The following ABCA12 variants were observed in gnomAD, a reference collection of about 807,000 sequenced individuals.
ABCA12 encodes the protein glucosylceramide transporter ABCA12.
Under a neutral mutation model 293.5 loss-of-function variants are expected in ABCA12, and 156 were observed. The observed-to-expected ratio is 0.53, with a 90% CI of 0.47 to 0.61. ABCA12 has a LOEUF of 0.61. Ranked by LOEUF, ABCA12 falls within the 20% of genes least tolerant of loss-of-function variation. The probability of loss-of-function intolerance (pLI) is 0.00; values close to 1 mark genes in which losing one functional copy is unlikely to be tolerated. For missense variants in ABCA12, 2,797 were observed against 3,090.2 expected, an observed-to-expected ratio of 0.91 and a Z score of 2.25; for synonymous variants, 1,063 against 1,108.0, an observed-to-expected ratio of 0.96 and a Z score of 0.81.
At position 215,134,640 on chromosome 2, in the gene ABCA12, GAC is replaced by G. The variant is rs1559214573; in HGVS notation, c.69+3498_69+3499del. ...ATAGAGAGAGAGAGAGAGAGAGAGA[GAC>G]AAACAGAGAGAGAGAGAGAGAGAGA... On this transcript the variant is annotated intron_variant, in intron 1 of 52. Coordinates refer to ENST00000272895, the MANE Select transcript of ABCA12 (RefSeq NM_173076.3). 1.5e-3 allele frequency among the ~76,000 whole-genome samples: 175 copies of G among 117,638 alleles called. 12 individuals are homozygous for G. The highest frequency in any genetic ancestry group is 7.1e-3 in the African/African-American group (166 of 23,316). The allele number at this position is 117,638 out of a possible 152,430, so 77.2% of individuals were successfully genotyped here.
chr2:215,109,630 A>G (rs1702530377), intron 2 of ABCA12, among the ~76,000 whole-genome samples: 1 of 152,226 alleles, frequency 6.6e-6, no homozygotes, highest in African/African-American at 2.4e-5. Flanking sequence ...GTTTTTTCAG[A>G]GCCCTTTAGA....
intron 2 of ABCA12, among the ~76,000 whole-genome samples, chr2:215,073,147 A>C (rs1297489753): frequency 2.6e-5 from 4 of 152,162 alleles, no homozygotes; most frequent in African/African-American, 4.8e-5. Flanking sequence ...TCTACGGCTC[A>C]TCTGGGGTGA....
intron 8 of ABCA12, among the ~76,000 whole-genome samples, 189 bp downstream of exon 8, chr2:215,036,764 T>C (rs1001908399): frequency 5.3e-5 from 8 of 152,052 alleles, no homozygotes; most frequent in Admixed American, 1.3e-4. Flanking sequence ...AAAGCCACAG[T>C]TCCCTCTTCT....
chr2:215,106,748 C>CGA (rs1702470756), intron 2 of ABCA12, among the ~76,000 whole-genome samples: 1 of 101,598 alleles, frequency 9.8e-6, no homozygotes, highest in African/African-American at 3.3e-5. Context: ...GCTTTGGAGG[C>CGA]AAAAAAAAAA....
chr2:215,126,221 A>G lies in ABCA12; in HGVS notation c.69+11919T>C, dbSNP rs552777320. 2.0e-4 allele frequency among the ~76,000 whole-genome samples: 30 copies of G among 152,210 alleles called. 1 individual carries two copies. In the East Asian group the frequency reaches 5.4e-3, roughly 27 times the overall value. On this transcript the variant is annotated intron_variant, in intron 1 of 52. Coordinates refer to ENST00000272895, the MANE Select transcript of ABCA12 (RefSeq NM_173076.3). Reference sequence around the variant, plus strand: ...CAAGTATTTTGTTAAGGATTTTAGCATCTATGTTCATCAAGGATATTGGTC... The same window carrying G: ...CAAGTATTTTGTTAAGGATTTTAGCGTCTATGTTCATCAAGGATATTGGTC...
intron 3 of ABCA12, among the ~76,000 whole-genome samples, chr2:215,057,906 C>T (rs1011173916): frequency 6.6e-6 from 1 of 152,032 alleles, no homozygotes; most frequent in Admixed American, 6.6e-5. Flanking sequence ...CTACCATATT[C>T]ATTCATTAAC....
intron 38 of ABCA12, among the ~76,000 whole-genome samples, 167 bp downstream of exon 38, chr2:214,968,553 A>C (rs998768973): frequency 6.6e-6 from 1 of 152,134 alleles, no homozygotes; most frequent in Non-Finnish European, 1.5e-5. Context: ...TAATGTGTAC[A>C]TGCTTCCCTA....
At chr2:215,076,075 T>C (rs1021588739) in intron 2 of ABCA12, among the ~76,000 whole-genome samples, 1 of 152,234 alleles carries the variant, frequency 6.6e-6, no homozygotes, top group Non-Finnish European at 1.5e-5. Context: ...AAAATGTGTG[T>C]CACAACCTTT....
chr2:214,955,786 T>A (rs1021592330), intron 42 of ABCA12, among the ~76,000 whole-genome samples: 1 of 152,220 alleles, frequency 6.6e-6, no homozygotes, highest in Non-Finnish European at 1.5e-5. Context: ...CTTTCATTCC[T>A]TTTTGACAAA....
chr2:215,065,335 G>C (rs997795364), intron 2 of ABCA12, among the ~76,000 whole-genome samples: 6 of 131,344 alleles, frequency 4.6e-5, no homozygotes, highest in African/African-American at 5.7e-5. Context: ...AAGAGTGCCC[G>C]TACAGGTCTG....
intron 2 of ABCA12, among the ~76,000 whole-genome samples, chr2:215,109,741 C>G (rs1490926863): frequency 6.6e-6 from 1 of 152,070 alleles, no homozygotes; most frequent in Non-Finnish European, 1.5e-5. Flanking sequence ...CCATGAATCT[C>G]TAATGCTATC....
intron 1 of ABCA12, among the ~76,000 whole-genome samples, chr2:215,126,236 G>A (rs113940010): frequency 0.034 from 5,203 of 152,160 alleles, 145 homozygotes; most frequent in African/African-American, 0.065. Flanking sequence ...TGTTCATCAA[G>A]GATATTGGTC....
rs551509973 is a variant in ABCA12, at chr2:215,042,504, C to A, written c.872+3333G>T. 3 of 152,238 alleles carry A rather than the reference C, an allele frequency of 2.0e-5. No homozygotes were observed. In the East Asian group the frequency reaches 5.8e-4, roughly 29 times the overall value. The allele number at this position is 152,238 out of a possible 1,614,324, so 9.4% of individuals were successfully genotyped here. On this transcript the variant is annotated intron_variant, in intron 7 of 52. Coordinates refer to ENST00000272895, the MANE Select transcript of ABCA12 (RefSeq NM_173076.3). ...TCAAGCAATTTTCTCATGTCCACCT[C>A]CCAAATTGTTGGGATTACAGGCATA...
intron 28 of ABCA12, 135 bp from the exon 29 acceptor site, chr2:214,984,000 G>A: frequency 1.5e-6 from 1 of 655,756 alleles, no homozygotes; most frequent in South Asian, 1.9e-5. Context: ...GAAATAAAAT[G>A]GTATTTAATG....
intron 1 of ABCA12, among the ~76,000 whole-genome samples, chr2:215,133,022 TC>T (rs1290752355): frequency 6.6e-6 from 1 of 151,968 alleles, no homozygotes; most frequent in Non-Finnish European, 1.5e-5. Context: ...TGGCATTTTT[TC>T]TTCTTTAAGG....
At chr2:214,940,652 T>A (rs1187578301) in intron 50 of ABCA12, among the ~76,000 whole-genome samples, 2 of 152,202 alleles carry the variant, frequency 1.3e-5, no homozygotes, top group Non-Finnish European at 2.9e-5. Flanking sequence ...CAGAACTTGT[T>A]ATTGGTCTAT....
chr2:214,953,224 G>C (rs1574936977), intron 44 of ABCA12, among the ~76,000 whole-genome samples: 1 of 152,140 alleles, frequency 6.6e-6, no homozygotes, highest in Non-Finnish European at 1.5e-5. Context: ...TGTTCTATTA[G>C]TGAATCTATG....
chr2:215,120,663 T>A (rs1297496101), intron 1 of ABCA12, among the ~76,000 whole-genome samples: 1 of 152,106 alleles, frequency 6.6e-6, no homozygotes, highest in Non-Finnish European at 1.5e-5. Context: ...CGTTGAGACT[T>A]AGGGAAAATA....
intron 2 of ABCA12, among the ~76,000 whole-genome samples, chr2:215,081,322 AC>A (rs1433146171): frequency 6.6e-6 from 1 of 152,024 alleles, no homozygotes. Flanking sequence ...TACTAAAAAT[AC>A]AAAAATTAGC....
Sources: gnomAD v4.1 joint callset for allele counts (sites outside exome capture counted in the v4.1 genomes callset) on GRCh38, gnomAD v4.1.1 for gene constraint, MANE v1.5 for transcripts, NCBI Gene and HGNC (gene_info 2026-07-23, HGNC 2026-07-21) for gene names.